The following BCAS1 variants were observed in gnomAD, a reference collection of about 807,000 sequenced individuals.
The protein encoded by BCAS1 is brain enriched myelin associated protein 1.
In BCAS1, 46 loss-of-function variants were observed where a neutral mutation model predicts 65.4. The ratio of observed to expected loss-of-function variants is 0.70; its 90% CI spans 0.55 to 0.90. BCAS1 has a LOEUF of 0.90. Among genes scored for constraint, BCAS1 ranks in the 40% least tolerant of loss-of-function variants. The pLI, the probability that BCAS1 is intolerant of heterozygous loss-of-function variation, is 0.00. For missense variants in BCAS1, 793 were observed against 771.2 expected (o/e 1.03, Z -0.33); for synonymous variants, 298 against 293.5 (o/e 1.02, Z -0.16).
chr20:53,984,808 G>A (rs1158978601), intron 8 of BCAS1, among the ~76,000 whole-genome samples: 1 of 152,180 alleles, frequency 6.6e-6, no homozygotes, highest in Non-Finnish European at 1.5e-5. Flanking sequence ...CTACCCTGGT[G>A]GTGAACTGAT....
At chr20:53,953,764 T>C (rs1183423728) in intron 11 of BCAS1, 69 bp from the exon 12 acceptor site, 10 of 1,516,892 alleles carry the variant, frequency 6.6e-6, no homozygotes, top group Admixed American at 6.1e-5. Flanking sequence ...AGGGAATAAA[T>C]ATGTTAAAAC....
At chr20:54,066,323 TG>T (rs201932170) in intron 1 of BCAS1, among the ~76,000 whole-genome samples, 5,867 of 152,254 alleles carry the variant, frequency 0.039, 161 homozygotes, top group Middle Eastern at 0.088. Flanking sequence ...CCGCCCGCCT[TG>T]GCCTCCCAAA....
At chr20:54,069,606 A>G (rs1209412096) in intron 1 of BCAS1, among the ~76,000 whole-genome samples, 6 of 152,210 alleles carry the variant, frequency 3.9e-5, no homozygotes, top group African/African-American at 1.4e-4. Context: ...TCCTAGTTGT[A>G]AAATGGAGAC....
chr20:54,020,795 G>T (rs1199443252), intron 4 of BCAS1, among the ~76,000 whole-genome samples: 1 of 152,210 alleles, frequency 6.6e-6, no homozygotes, highest in East Asian at 1.9e-4. Context: ...GTCAAAACCA[G>T]CAGTAAACAA....
chr20:54,029,695 C>T lies in BCAS1; in HGVS notation c.143-723G>A, dbSNP rs899541208. Among the ~76,000 whole-genome samples, 25 of 152,254 alleles carry T rather than the reference C, an allele frequency of 1.6e-4. 1 individual carries two copies. Among genetic ancestry groups the T allele is most frequent in the East Asian group, 5.8e-4 (3 of 5,192 alleles). ...AATAGTTTTAAAGCAAGTACAATAGCACCTGGAATATATTAAGTGCTTAAT... is the reference window on the plus strand; with the variant it reads ...AATAGTTTTAAAGCAAGTACAATAGTACCTGGAATATATTAAGTGCTTAAT... On this transcript the variant is annotated intron_variant, in intron 3 of 12. Transcript: ENST00000688948.
chr20:53,970,908 G>C (rs1003195145), intron 9 of BCAS1, among the ~76,000 whole-genome samples: 1 of 149,946 alleles, frequency 6.7e-6, no homozygotes, highest in Non-Finnish European at 1.5e-5. Context: ...TGATTACAAA[G>C]ACCTCCCACA....
intron 2 of BCAS1, 31 bp from the exon 3 acceptor site, chr20:54,058,185 A>G: frequency 1.9e-6 from 3 of 1,599,700 alleles, no homozygotes; most frequent in Non-Finnish European, 2.6e-6. Context: ...TTGTGAGACA[A>G]ATCTTCGGGG....
At position 53,977,612 on chromosome 20, in the gene BCAS1, T is replaced by C. The variant is rs966492906; in HGVS notation, c.1276-2182A>G. The stretch of plus-strand genomic sequence containing the variant: ...TATATTTCAGAAGCAACTGGGAACT[T>C]GGAGTAGATTCCATCACCAATGTAG... On this transcript the variant is annotated intron_variant, in intron 8 of 12. Transcript: ENST00000688948. Among the ~76,000 whole-genome samples, 7 of 152,208 alleles carry C rather than the reference T, an allele frequency of 4.6e-5. No individual in the cohort carries two copies. In the East Asian group the frequency reaches 1.3e-3, roughly 29 times the overall value.
intron 3 of BCAS1, among the ~76,000 whole-genome samples, chr20:54,043,276 A>G (rs2146219347): frequency 6.6e-6 from 1 of 151,350 alleles, no homozygotes; most frequent in Admixed American, 6.6e-5. Flanking sequence ...TCAATGTTTC[A>G]TTGCTTGAAG....
At chr20:54,029,099 T>C in intron 3 of BCAS1, 127 bp from the exon 4 acceptor site, 4 of 1,440,170 alleles carry the variant, frequency 2.8e-6, no homozygotes, top group Non-Finnish European at 3.6e-6. Flanking sequence ...TCTCTGGTCA[T>C]TCTGAAAGGC....
chr20:54,014,075 C>A (rs754597551), intron 4 of BCAS1, among the ~76,000 whole-genome samples: 2 of 152,198 alleles, frequency 1.3e-5, no homozygotes, highest in African/African-American at 2.4e-5. Flanking sequence ...AAGCTAAGCA[C>A]AGTTGTGATG....
At chr20:53,949,469 G>T in intron 12 of BCAS1, among the ~76,000 whole-genome samples, 1 of 152,284 alleles carries the variant, frequency 6.6e-6, no homozygotes, top group South Asian at 2.1e-4. Flanking sequence ...ATCGGCCTGC[G>T]GTGTGTCTCA....
chr20:53,957,905 G>C (rs1003821819), intron 10 of BCAS1, among the ~76,000 whole-genome samples: 1 of 149,388 alleles, frequency 6.7e-6, no homozygotes, highest in Non-Finnish European at 1.5e-5. Context: ...TTCTCTCCTT[G>C]ATAGAGATAT....
chr20:53,944,669 T>G lies in BCAS1; in HGVS notation c.*253A>C. 1 of 462,370 alleles carries G rather than the reference T, an allele frequency of 2.2e-6. No homozygotes were observed. The highest frequency in any genetic ancestry group is 4.0e-6 in the Non-Finnish European group (1 of 249,318). The allele number at this position is 462,370 out of a possible 1,614,324, so 28.6% of individuals were successfully genotyped here. ...TCCTCTATTCCCTCCCTTTCCTGCTTGGTGATCATCGACTCTTCTGACCCA... is the reference window on the plus strand; with the variant it reads ...TCCTCTATTCCCTCCCTTTCCTGCTGGGTGATCATCGACTCTTCTGACCCA... On this transcript the variant is annotated 3_prime_UTR_variant, in exon 13 of 13. Coordinates refer to ENST00000688948, the MANE Select transcript of BCAS1 (RefSeq NM_001366298.2).
At chr20:54,066,111 C>T (rs290437) in intron 1 of BCAS1, among the ~76,000 whole-genome samples, 19,979 of 148,522 alleles carry the variant, frequency 0.13, 1,663 homozygotes, top group South Asian at 0.21. Flanking sequence ...CTGGCTCTGT[C>T]GCCCAGGCTG....
chr20:53,957,394 A>G (rs41310835), intron 11 of BCAS1, 38 bp downstream of exon 11: 17,353 of 1,561,688 alleles, frequency 0.011, 134 homozygotes, highest in Middle Eastern at 0.02. Context: ...AGAATACACC[A>G]CTAATCCCAC....
chr20:53,948,484 AC>A (rs1326233924), intron 12 of BCAS1, among the ~76,000 whole-genome samples: 1 of 152,212 alleles, frequency 6.6e-6, no homozygotes. Flanking sequence ...CCCCAAGGTA[AC>A]ATGTGGCTGG....
Position 54,028,827 on chromosome 20 carries a change from G to A in BCAS1, c.288C>T (p.Phe96=). 1.1e-5 allele frequency: 18 copies of A among 1,614,078 alleles called. No homozygotes were observed. The highest frequency in any genetic ancestry group is 1.5e-5 in the Non-Finnish European group (18 of 1,180,020). ...CTGGTACAGGCCGAGAGAGCATCAAGAAAAAACGAGATTTAGCAGCTGGTG... is the reference window on the plus strand; with the variant it reads ...CTGGTACAGGCCGAGAGAGCATCAAAAAAAAACGAGATTTAGCAGCTGGTG... ...PEAPAAKSRF[F]LMLSRPVPGR... The change falls in exon 4 of 13, where the codon TTC becomes TTT. Residue 96 remains phenylalanine, a synonymous_variant. Coordinates refer to ENST00000688948, the MANE Select transcript of BCAS1 (RefSeq NM_001366298.2).
At chr20:54,001,412 A>T (rs916742448) in intron 4 of BCAS1, among the ~76,000 whole-genome samples, 2 of 152,174 alleles carry the variant, frequency 1.3e-5, no homozygotes, top group Admixed American at 1.3e-4. Context: ...AGCAAATTAG[A>T]CACAACATTA....
Sources: gnomAD v4.1 joint callset for allele counts (sites outside exome capture counted in the v4.1 genomes callset) on GRCh38, gnomAD v4.1.1 for gene constraint, MANE v1.5 for transcripts, NCBI Gene and HGNC (gene_info 2026-07-23, HGNC 2026-07-21) for gene names.